Variants in PDGFD observed in about 807,000 individuals in gnomAD.
The protein encoded by PDGFD is platelet derived growth factor D.
Under a neutral mutation model 44.7 loss-of-function variants are expected in PDGFD, and 30 were observed. That is an observed-to-expected ratio of 0.67 (90% CI 0.50 to 0.91). PDGFD has a LOEUF of 0.91. Ranked by LOEUF, PDGFD falls within the 40% of genes least tolerant of loss-of-function variation. The pLI, the probability that PDGFD is intolerant of heterozygous loss-of-function variation, is 0.00. For missense variants in PDGFD, 445 were observed against 457.8 expected (o/e 0.97, Z 0.25); for synonymous variants, 173 against 168.4 (o/e 1.03, Z -0.21).
At chr11:104,032,303 G>T (rs550767918) in intron 1 of PDGFD, among the ~76,000 whole-genome samples, 1 of 152,076 alleles carries the variant, frequency 6.6e-6, no homozygotes. Context: ...GCAAATAAAA[G>T]AATTATGAAA....
intron 1 of PDGFD, among the ~76,000 whole-genome samples, chr11:104,029,432 A>C (rs1203493665): frequency 6.6e-6 from 1 of 152,252 alleles, no homozygotes; most frequent in Non-Finnish European, 1.5e-5. Context: ...TATGGTAATC[A>C]ATTAACTCAG....
At chr11:104,076,801 T>C (rs987799616) in intron 1 of PDGFD, among the ~76,000 whole-genome samples, 7 of 152,304 alleles carry the variant, frequency 4.6e-5, no homozygotes, top group African/African-American at 1.7e-4. Context: ...AGCCCTTCTC[T>C]TTCTTCTCTC....
intron 1 of PDGFD, among the ~76,000 whole-genome samples, chr11:104,078,622 A>T (rs547798938): frequency 3.4e-5 from 2 of 58,316 alleles, no homozygotes; most frequent in African/African-American, 1.5e-4. Flanking sequence ...CCTTAACCTG[A>T]AAAATCCAAT....
At chr11:104,102,316 C>T (rs1861398562) in intron 1 of PDGFD, among the ~76,000 whole-genome samples, 1 of 152,168 alleles carries the variant, frequency 6.6e-6, no homozygotes, top group Non-Finnish European at 1.5e-5. Context: ...AGCCAAAAAA[C>T]ACATGAAAAT....
chr11:104,129,824 C>T (rs7396450), intron 1 of PDGFD, among the ~76,000 whole-genome samples: 13,666 of 151,856 alleles, frequency 0.09, 699 homozygotes, highest in East Asian at 0.24. Flanking sequence ...GCCTGGCCAA[C>T]ATGGTGAAAC....
At chr11:104,036,791 C>T in intron 1 of PDGFD, 2 of 1,578,356 alleles carry the variant, frequency 1.3e-6, no homozygotes, top group Non-Finnish European at 1.7e-6. Context: ...CGCCCATGCC[C>T]TCTGCTAGCC....
chr11:104,131,817 AAAAAAAAAAAGG>A (rs1373955830), intron 1 of PDGFD, among the ~76,000 whole-genome samples: 3 of 123,092 alleles, frequency 2.4e-5, no homozygotes, highest in East Asian at 3.8e-4. Context: ...AAAAAAAAAA[AAAAAAAAAAAGG>A]GGATGCTTGG....
intron 1 of PDGFD, among the ~76,000 whole-genome samples, chr11:104,009,429 C>CATTATTATTATTATTATTATT (rs58324746): frequency 2.4e-4 from 36 of 148,820 alleles, no homozygotes; most frequent in South Asian, 4.3e-4. Flanking sequence ...CTTGCAAATG[C>CATTATTATTATTATTATTATT]ATTATTATTA....
chr11:104,055,333 GA>G (rs1746366281), intron 1 of PDGFD, among the ~76,000 whole-genome samples: 1 of 152,178 alleles, frequency 6.6e-6, no homozygotes, highest in African/African-American at 2.4e-5. Context: ...TTGATACTTA[GA>G]AAAGTGGCTG....
chr11:104,037,091 A>C (rs767727243), intron 1 of PDGFD: 1 of 1,614,192 alleles, frequency 6.2e-7, no homozygotes, highest in South Asian at 1.1e-5. Context: ...CGTGCCCCGA[A>C]CCAGCCTCGT....
intron 3 of PDGFD, 88 bp downstream of exon 3, chr11:103,995,977 C>A (rs1859528741): frequency 8.5e-7 from 1 of 1,170,740 alleles, no homozygotes; most frequent in Non-Finnish European, 1.2e-6. Flanking sequence ...AGTTCACTCA[C>A]CCTCACTGAA....
chr11:104,025,736 C>G (rs1479617671), intron 1 of PDGFD, among the ~76,000 whole-genome samples: 2 of 152,182 alleles, frequency 1.3e-5, no homozygotes, highest in Non-Finnish European at 2.9e-5. Flanking sequence ...GGAACACAAA[C>G]ATGAGCACAG....
At chr11:104,075,085 A>T (rs911710732) in intron 1 of PDGFD, among the ~76,000 whole-genome samples, 4 of 152,188 alleles carry the variant, frequency 2.6e-5, no homozygotes, top group African/African-American at 9.7e-5. Context: ...CTTTTTCCTA[A>T]TGATCCAGGG....
intron 1 of PDGFD, among the ~76,000 whole-genome samples, chr11:104,133,978 C>T (rs1861963112): frequency 1.3e-5 from 2 of 152,190 alleles, no homozygotes; most frequent in South Asian, 2.1e-4. Context: ...CATGTCAAGA[C>T]AGACACTTGT....
At chr11:104,108,761 T>C (rs1861504679) in intron 1 of PDGFD, among the ~76,000 whole-genome samples, 1 of 152,146 alleles carries the variant, frequency 6.6e-6, no homozygotes, top group Non-Finnish European at 1.5e-5. Context: ...CGTGTGTTTA[T>C]TGTGGCACTA....
intron 1 of PDGFD, among the ~76,000 whole-genome samples, chr11:104,103,175 T>A (rs1055967102): frequency 2.0e-5 from 3 of 152,162 alleles, no homozygotes; most frequent in African/African-American, 7.2e-5. Context: ...GCAATATTCA[T>A]AATTTCCACC....
intron 6 of PDGFD, among the ~76,000 whole-genome samples, chr11:103,919,502 CTTTTT>C (rs71037206): frequency 1.8e-4 from 16 of 88,776 alleles, no homozygotes; most frequent in African/African-American, 6.3e-4. Context: ...AAGATTCTTC[CTTTTT>C]TTTTTTTTTT....
intron 1 of PDGFD, among the ~76,000 whole-genome samples, chr11:104,084,313 A>G (rs541990724): frequency 6.6e-6 from 1 of 152,204 alleles, no homozygotes; most frequent in African/African-American, 2.4e-5. Flanking sequence ...TTCATCCTGC[A>G]TGGTCAGGAA....
At chr11:103,913,419 T>A (rs1565282382) in intron 6 of PDGFD, among the ~76,000 whole-genome samples, 1 of 151,974 alleles carries the variant, frequency 6.6e-6, no homozygotes, top group Non-Finnish European at 1.5e-5. Flanking sequence ...AATAACAAAA[T>A]GAAGGCAAAA....
Sources: allele counts gnomAD v4.1 joint callset (sites outside exome capture counted in the v4.1 genomes callset), GRCh38; gene constraint gnomAD v4.1.1; transcripts MANE v1.5; gene names NCBI Gene and HGNC (gene_info 2026-07-23, HGNC 2026-07-21).